Variants in CCDC57 observed in about 807,000 individuals in gnomAD.
CCDC57 encodes coiled-coil domain-containing protein 57.
A neutral mutation model predicts 118.9 loss-of-function variants in CCDC57; 118 were observed. That is an observed-to-expected ratio of 0.99 (90% confidence interval 0.86 to 1.16). The LOEUF (loss-of-function observed/expected upper bound fraction) is 1.16, where lower values mean the gene tolerates loss of function less well. Among genes scored for constraint, CCDC57 ranks in the 50% most tolerant of loss-of-function variants. The pLI is 0.00. For synonymous variants in CCDC57, 527 were observed against 532.9 expected, an observed-to-expected ratio of 0.99 and a Z score of 0.15; for missense variants, 1,300 against 1,320.7, an observed-to-expected ratio of 0.98 and a Z score of 0.24.
At chr17:82,153,099 G>C (rs529049448) in intron 15 of CCDC57, among the ~76,000 whole-genome samples, 119 of 152,312 alleles carry the variant, frequency 7.8e-4, no homozygotes, top group Non-Finnish European at 1.3e-3. Flanking sequence ...CCCTTGGCAA[G>C]TGTGGTGCAG....
At chr17:82,176,905 A>C (rs766709654) in intron 11 of CCDC57, among the ~76,000 whole-genome samples, 1 of 150,774 alleles carries the variant, frequency 6.6e-6, no homozygotes, top group African/African-American at 2.4e-5. Context: ...CCTGAGACCT[A>C]TCCCTAGGTA....
At chr17:82,157,825 T>C in exon 15 of CCDC57, 1 of 1,604,662 alleles carries the variant, frequency 6.2e-7, no homozygotes, top group Non-Finnish European at 8.5e-7. Context: ...TGCTGGGCTA[T>C]CCTGAGATGC....
chr17:82,209,363 A>C (rs187855908), intron 1 of CCDC57, among the ~76,000 whole-genome samples: 1 of 152,354 alleles, frequency 6.6e-6, no homozygotes, highest in Admixed American at 6.5e-5. Flanking sequence ...CATGTGCCAA[A>C]AACAAAGCAC....
At chr17:82,208,255 C>A (rs1471895262) in intron 1 of CCDC57, among the ~76,000 whole-genome samples, 1 of 151,500 alleles carries the variant, frequency 6.6e-6, no homozygotes, top group Non-Finnish European at 1.5e-5. Flanking sequence ...TATTTAATAC[C>A]CTTAACTTAT....
chr17:82,168,445 G>A (rs951093708), intron 13 of CCDC57, among the ~76,000 whole-genome samples: 5 of 152,044 alleles, frequency 3.3e-5, no homozygotes, highest in African/African-American at 1.2e-4. Flanking sequence ...CAATACAAAC[G>A]CCACCAGCTG....
chr17:82,151,469 C>CCACATCCAGAACCTGGCG, intron 16 of CCDC57, 91 bp downstream of exon 15: 1 of 1,191,850 alleles, frequency 8.4e-7, no homozygotes, highest in Non-Finnish European at 1.2e-6. Context: ...AGAATCTGAC[C>CCACATCCAGAACCTGGCG]CACATCCAGA....
intron 2 of CCDC57, among the ~76,000 whole-genome samples, chr17:82,206,704 G>A (rs1599497214): frequency 1.3e-5 from 2 of 152,046 alleles, no homozygotes; most frequent in African/African-American, 4.8e-5. Flanking sequence ...CAAATCAATC[G>A]AACCCAAAGA....
chr17:82,188,290 G>A (rs377007809), exon 8 of CCDC57: 47 of 1,590,954 alleles, frequency 3.0e-5, no homozygotes, highest in Non-Finnish European at 3.8e-5. Flanking sequence ...GCTGCGCCTC[G>A]AGGGTCTCGC....
chr17:82,178,094 T>C (rs1357615278), intron 11 of CCDC57, among the ~76,000 whole-genome samples: 2 of 152,168 alleles, frequency 1.3e-5, no homozygotes, highest in African/African-American at 4.8e-5. Context: ...AACCCTGGCA[T>C]TGGATGAGTA....
At chr17:82,193,671 C>T in intron 7 of CCDC57, 85 bp downstream of exon 6, 1 of 1,256,360 alleles carries the variant, frequency 8.0e-7, no homozygotes, top group South Asian at 1.3e-5. Context: ...CCTCTGCTCC[C>T]TGGGCCATCA....
At chr17:82,167,481 G>T (rs1352854969) in intron 13 of CCDC57, among the ~76,000 whole-genome samples, 1 of 151,840 alleles carries the variant, frequency 6.6e-6, no homozygotes, top group Admixed American at 6.6e-5. Flanking sequence ...CTCCCAAATA[G>T]CTGGGATCAC....
At chr17:82,177,416 G>A (rs1400896124) in intron 11 of CCDC57, among the ~76,000 whole-genome samples, 1 of 152,026 alleles carries the variant, frequency 6.6e-6, no homozygotes, top group African/African-American at 2.4e-5. Context: ...GTGGTGATGC[G>A]CACCTGTGGT....
At chr17:82,205,552 C>T (rs1285323581) in intron 2 of CCDC57, among the ~76,000 whole-genome samples, 1 of 152,204 alleles carries the variant, frequency 6.6e-6, no homozygotes, top group Non-Finnish European at 1.5e-5. Context: ...TCTGCCAGTT[C>T]CTGTGCACGT....
At chr17:82,175,976 A>G (rs1824523913) in intron 11 of CCDC57, among the ~76,000 whole-genome samples, 1 of 152,148 alleles carries the variant, frequency 6.6e-6, no homozygotes, top group South Asian at 2.1e-4. Flanking sequence ...GATCTCCCCA[A>G]ATTTGGTCAA....
At chr17:82,138,452 C>T (rs533123275) in intron 16 of CCDC57, among the ~76,000 whole-genome samples, 42 of 151,876 alleles carry the variant, frequency 2.8e-4, no homozygotes, top group African/African-American at 8.2e-4. Flanking sequence ...CTGGCTGAGA[C>T]GGGAGGATCT....
At chr17:82,115,697 C>G (rs979037868) in intron 19 of CCDC57, among the ~76,000 whole-genome samples, 2 of 151,846 alleles carry the variant, frequency 1.3e-5, no homozygotes, top group African/African-American at 4.8e-5. Flanking sequence ...ATCACTTGAA[C>G]CTGGGAGGTG....
Position 82,212,365 on chromosome 17 carries a change from G to A in CCDC57, c.-211+420C>T, listed in dbSNP as rs1365531525. On this transcript the variant is annotated intron_variant, in intron 1 of 19. Coordinates refer to ENST00000665763, the Ensembl canonical transcript of CCDC57. The surrounding 1 kb of genome is among the most constrained non-coding windows in gnomAD (Gnocchi z 4.1). ...TCCCAAAGTGCTGGATTACAGGCGC[G>A]AACCACCGCCTCCGGCCTTTTTTTT... Among the ~76,000 whole-genome samples, 1 of 149,856 alleles carries A rather than the reference G, an allele frequency of 6.7e-6. No homozygotes were observed. The highest frequency in any genetic ancestry group is 1.9e-4 in the East Asian group (1 of 5,138).
At chr17:82,134,345 C>T in intron 16 of CCDC57, 151 bp from the exon 16 acceptor site, 1 of 646,482 alleles carries the variant, frequency 1.5e-6, no homozygotes, top group Non-Finnish European at 2.2e-6. Flanking sequence ...GGCCGGACAA[C>T]AGTGAACTGT....
At chr17:82,182,509 A>G (rs1336484749) in intron 9 of CCDC57, among the ~76,000 whole-genome samples, 1 of 151,388 alleles carries the variant, frequency 6.6e-6, no homozygotes, top group East Asian at 1.9e-4. Context: ...GTGTGACACC[A>G]CACCGGGATA....
Sources: allele counts gnomAD v4.1 joint callset (sites outside exome capture counted in the v4.1 genomes callset), GRCh38; gene constraint gnomAD v4.1.1; non-coding constraint Gnocchi (gnomAD v3.1); transcripts MANE v1.5; gene names NCBI Gene and HGNC (gene_info 2026-07-23, HGNC 2026-07-21).